The following EIF2B3 variants were observed in gnomAD, a reference collection of about 807,000 sequenced individuals.
EIF2B3 encodes eukaryotic translation initiation factor 2B subunit gamma, also known as translation initiation factor eIF2B subunit gamma.
Under a neutral mutation model 54.1 loss-of-function variants are expected in EIF2B3, and 20 were observed. The ratio of observed to expected loss-of-function variants is 0.37; its 90% CI spans 0.26 to 0.54. EIF2B3 has a LOEUF of 0.54. Ranked by LOEUF, EIF2B3 falls within the 20% of genes least tolerant of loss-of-function variation. The pLI is 0.86. For missense variants in EIF2B3, 448 were observed against 547.8 expected (o/e 0.82, Z 1.82); for synonymous variants, 153 against 188.1 (o/e 0.81, Z 1.52).
intron 4 of EIF2B3, among the ~76,000 whole-genome samples, chr1:44,927,201 G>A (rs994533893): frequency 1.3e-4 from 20 of 151,878 alleles, no homozygotes; most frequent in African/African-American, 4.1e-4. Flanking sequence ...GCCATTTTGC[G>A]TTACTATAAA....
intron 5 of EIF2B3, among the ~76,000 whole-genome samples, chr1:44,924,597 AG>A (rs1344509335): frequency 6.6e-6 from 1 of 151,784 alleles, no homozygotes; most frequent in African/African-American, 2.4e-5. Flanking sequence ...TGTGTTAGCC[AG>A]GATAGTCTCG....
chr1:44,954,565 CA>C (rs1557702937), intron 3 of EIF2B3, among the ~76,000 whole-genome samples: 1 of 152,142 alleles, frequency 6.6e-6, no homozygotes, highest in Non-Finnish European at 1.5e-5. Context: ...GATTTTTGCA[CA>C]TTGATTTTGT....
intron 10 of EIF2B3, among the ~76,000 whole-genome samples, chr1:44,872,992 G>T (rs1418044389): frequency 2.0e-5 from 3 of 152,208 alleles, no homozygotes; most frequent in African/African-American, 7.2e-5. Context: ...TTTAGCTTGG[G>T]AGAGGCAATT....
Position 44,949,711 on chromosome 1 carries a change from G to T in EIF2B3, c.295-8046C>A, listed in dbSNP as rs1028233516. On this transcript the variant is annotated intron_variant, in intron 3 of 11. Coordinates refer to ENST00000360403, the MANE Select transcript of EIF2B3 (RefSeq NM_020365.5). ...GGCAGAGATGTCTGAAAGGAAAGAA[G>T]TCAAAAGCAGCTGTCCTGGAGGGCA... Among the ~76,000 whole-genome samples the T allele has an allele frequency of 3.9e-5, 6 of 152,178 alleles. No homozygotes were observed. The South Asian group carries it at 1.0e-3, about 26-fold the overall frequency.
At chr1:44,884,291 G>C (rs1171150516) in intron 6 of EIF2B3, among the ~76,000 whole-genome samples, 1 of 152,144 alleles carries the variant, frequency 6.6e-6, no homozygotes, top group Non-Finnish European at 1.5e-5. Flanking sequence ...AATGAGGCCT[G>C]AGAGAGGGGT....
chr1:44,968,714 T>A (rs1226527647), intron 3 of EIF2B3, among the ~76,000 whole-genome samples: 2 of 151,902 alleles, frequency 1.3e-5, no homozygotes, highest in Non-Finnish European at 2.9e-5. Context: ...CTGGCCAACA[T>A]GGTGAAGCCC....
chr1:44,905,629 T>C (rs1235141069), intron 5 of EIF2B3, among the ~76,000 whole-genome samples: 1 of 152,164 alleles, frequency 6.6e-6, no homozygotes, highest in Non-Finnish European at 1.5e-5. Context: ...TTATTTGGAA[T>C]TGGTTCTCTG....
intron 3 of EIF2B3, among the ~76,000 whole-genome samples, chr1:44,945,591 G>GA (rs10715029): frequency 0.11 from 15,853 of 145,536 alleles, 938 homozygotes; most frequent in Middle Eastern, 0.16. Context: ...ATCTCTTTAG[G>GA]AAAAAAAAAA....
chr1:44,960,579 A>C (rs1644274898), intron 3 of EIF2B3, among the ~76,000 whole-genome samples: 1 of 152,046 alleles, frequency 6.6e-6, no homozygotes, highest in Non-Finnish European at 1.5e-5. Flanking sequence ...CGGAGCTTGC[A>C]GTGAGCCGAG....
intron 6 of EIF2B3, among the ~76,000 whole-genome samples, chr1:44,896,668 T>A (rs1655982475): frequency 6.6e-6 from 1 of 152,208 alleles, no homozygotes; most frequent in South Asian, 2.1e-4. Context: ...AGTTATTAAA[T>A]CTTTTTCCAC....
At chr1:44,953,121 TA>T (rs1329995825) in intron 3 of EIF2B3, among the ~76,000 whole-genome samples, 2 of 138,410 alleles carry the variant, frequency 1.4e-5, no homozygotes, top group Non-Finnish European at 1.6e-5. Flanking sequence ...ATACCTACCT[TA>T]AAAAAAACCC....
intron 10 of EIF2B3, 65 bp from the exon 11 acceptor site, chr1:44,857,872 T>G (rs1654487724): frequency 6.6e-7 from 1 of 1,518,672 alleles, no homozygotes; most frequent in African/African-American, 1.4e-5. Flanking sequence ...TTACTATTGG[T>G]TGGGGGTTCT....
chr1:44,959,446 G>T (rs1644262085), intron 3 of EIF2B3: 2 of 411,074 alleles, frequency 4.9e-6, no homozygotes, highest in Admixed American at 2.9e-5. Flanking sequence ...GGAGACTGAG[G>T]CTGGGAGGAT....
At chr1:44,935,389 T>C (rs1312896079) in intron 4 of EIF2B3, among the ~76,000 whole-genome samples, 2 of 152,254 alleles carry the variant, frequency 1.3e-5, no homozygotes, top group African/African-American at 4.8e-5. Flanking sequence ...TTACATATTA[T>C]TGCAAGTTTA....
chr1:44,934,128 T>C (rs1643921619), intron 4 of EIF2B3, among the ~76,000 whole-genome samples: 1 of 151,778 alleles, frequency 6.6e-6, no homozygotes. Context: ...CTGGGCACAG[T>C]GGCTCACACC....
chr1:44,952,975 A>G (rs1388986533), intron 3 of EIF2B3, among the ~76,000 whole-genome samples: 1 of 152,228 alleles, frequency 6.6e-6, no homozygotes, highest in African/African-American at 2.4e-5. Flanking sequence ...CTAAGCATAC[A>G]TCATACAGTG....
intron 5 of EIF2B3, among the ~76,000 whole-genome samples, chr1:44,904,965 G>A (rs1418850528): frequency 6.6e-6 from 1 of 152,210 alleles, no homozygotes; most frequent in African/African-American, 2.4e-5. Context: ...CAGAACTAGG[G>A]AAAAGGGAAT....
chr1:44,864,118 A>C (rs767070247), intron 10 of EIF2B3, among the ~76,000 whole-genome samples: 1 of 152,212 alleles, frequency 6.6e-6, no homozygotes, highest in Non-Finnish European at 1.5e-5. Flanking sequence ...CAAAGCAAAG[A>C]TGTAACAGCC....
At chr1:44,885,898 C>A (rs955275093) in intron 6 of EIF2B3, among the ~76,000 whole-genome samples, 1 of 120,662 alleles carries the variant, frequency 8.3e-6, no homozygotes, top group African/African-American at 3.6e-5. Flanking sequence ...CCACGCTTGG[C>A]TAATTTTTTT....
Sources: gnomAD v4.1 joint callset for allele counts (sites outside exome capture counted in the v4.1 genomes callset) on GRCh38, gnomAD v4.1.1 for gene constraint, MANE v1.5 for transcripts, NCBI Gene and HGNC (gene_info 2026-07-23, HGNC 2026-07-21) for gene names.